Variants in NETO2 observed in about 807,000 individuals in gnomAD.
NETO2 encodes neuropilin and tolloid-like protein 2.
A neutral mutation model predicts 62.5 loss-of-function variants in NETO2; 28 were observed. The observed-to-expected ratio is 0.45, with a 90% CI of 0.33 to 0.61. The LOEUF is 0.61. Ranked by LOEUF, NETO2 falls within the 20% of genes least tolerant of loss-of-function variation. The pLI, the probability that NETO2 is intolerant of heterozygous loss-of-function variation, is 0.02. For missense variants in NETO2, 548 were observed against 643.2 expected (o/e 0.85, Z 1.60); for synonymous variants, 214 against 219.1 (o/e 0.98, Z 0.21).
intron 7 of NETO2, among the ~76,000 whole-genome samples, chr16:47,105,767 T>C (rs1963661353): frequency 6.6e-6 from 1 of 152,060 alleles, no homozygotes; most frequent in Non-Finnish European, 1.5e-5. Flanking sequence ...AAAACCACAA[T>C]GAGATGTTAC....
intron 6 of NETO2, among the ~76,000 whole-genome samples, chr16:47,114,378 T>C (rs1963864071): frequency 6.7e-6 from 1 of 150,352 alleles, no homozygotes; most frequent in Non-Finnish European, 1.5e-5. Context: ...TTTTTTTTTT[T>C]TCTCACTCAA....
intron 1 of NETO2, among the ~76,000 whole-genome samples, chr16:47,138,351 G>T (rs1477833938): frequency 6.6e-6 from 1 of 152,184 alleles, no homozygotes; most frequent in African/African-American, 2.4e-5. Flanking sequence ...GGTGCGCCAA[G>T]ATCGTGCCAC....
chr16:47,143,541 C>G (rs1444509930), intron 1 of NETO2, 38 bp downstream of exon 1: 2 of 1,221,146 alleles, frequency 1.6e-6, no homozygotes, highest in African/African-American at 3.1e-5. Flanking sequence ...CCTCGGCCCG[C>G]AGGGGGCGCC....
intron 4 of NETO2, among the ~76,000 whole-genome samples, chr16:47,124,061 T>C (rs779488331): frequency 4.0e-4 from 61 of 152,238 alleles, no homozygotes; most frequent in Non-Finnish European, 8.2e-4. Context: ...CTGTTAAAAC[T>C]GTTGTTTTTA....
In NETO2 at chr16:47,133,556, C is replaced by G. The variant is rs1964309508; in HGVS notation, c.35-1531G>C. ...CCTGGGCGAAAGAGTGAGACCATGC[C>G]TCAATAACATAAAGTAACATAAAAT... On this transcript the variant is annotated intron_variant, in intron 1 of 8. Transcript: ENST00000562435. 6.6e-5 allele frequency among the ~76,000 whole-genome samples: 10 copies of G among 150,550 alleles called. No individual in the cohort carries two copies. In the South Asian group the frequency reaches 1.9e-3, roughly 29 times the overall value.
intron 7 of NETO2, among the ~76,000 whole-genome samples, chr16:47,098,822 C>T (rs911140159): frequency 2.6e-5 from 4 of 152,136 alleles, no homozygotes; most frequent in Admixed American, 6.5e-5. Context: ...AGACTAACAG[C>T]GATCTCTCTG....
intron 7 of NETO2, among the ~76,000 whole-genome samples, chr16:47,101,521 T>C (rs1199990717): frequency 6.6e-6 from 1 of 152,222 alleles, no homozygotes; most frequent in African/African-American, 2.4e-5. Flanking sequence ...GACATGATTG[T>C]ATATTTAGAA....
At chr16:47,132,530 G>A (rs1405211481) in intron 1 of NETO2, among the ~76,000 whole-genome samples, 1 of 152,142 alleles carries the variant, frequency 6.6e-6, no homozygotes, top group Non-Finnish European at 1.5e-5. Context: ...TTATCATTGT[G>A]CAGTACTATG....
At chr16:47,131,388 T>C (rs766214397) in intron 2 of NETO2, among the ~76,000 whole-genome samples, 1 of 152,232 alleles carries the variant, frequency 6.6e-6, no homozygotes, top group Non-Finnish European at 1.5e-5. Flanking sequence ...ATTATTTCCA[T>C]GGAGCAGGAA....
At chr16:47,127,645 T>C (rs1332428082) in intron 4 of NETO2, among the ~76,000 whole-genome samples, 1 of 152,040 alleles carries the variant, frequency 6.6e-6, no homozygotes, top group East Asian at 1.9e-4. Context: ...CTAGAGGGAG[T>C]GAGGCCCTGC....
chr16:47,105,514 C>G (rs1333308241), intron 7 of NETO2, among the ~76,000 whole-genome samples: 1 of 152,092 alleles, frequency 6.6e-6, no homozygotes, highest in East Asian at 1.9e-4. Context: ...AAATTCAAAA[C>G]TTTTGTACCC....
chr16:47,093,963 T>C (rs1414522043), intron 7 of NETO2, among the ~76,000 whole-genome samples: 3 of 152,208 alleles, frequency 2.0e-5, no homozygotes, highest in African/African-American at 7.2e-5. Context: ...ATAGATAAGA[T>C]ATACCACTTA....
At chr16:47,111,736 G>A (rs754649292) in intron 6 of NETO2, among the ~76,000 whole-genome samples, 27 of 152,188 alleles carry the variant, frequency 1.8e-4, no homozygotes, top group Non-Finnish European at 3.2e-4. Context: ...AACTTTCCCT[G>A]GAGTGGAATG....
intron 7 of NETO2, among the ~76,000 whole-genome samples, chr16:47,105,195 G>A (rs1963647533): frequency 6.6e-6 from 1 of 152,032 alleles, no homozygotes; most frequent in Non-Finnish European, 1.5e-5. Flanking sequence ...ACTGTGCCCA[G>A]ATCTAATTGA....
chr16:47,107,344 G>T (rs1389657410), intron 7 of NETO2, among the ~76,000 whole-genome samples: 1 of 152,136 alleles, frequency 6.6e-6, no homozygotes, highest in Non-Finnish European at 1.5e-5. Flanking sequence ...CATGATGTTG[G>T]GGGGGTGCAC....
At chr16:47,140,719 C>A (rs116420193) in intron 1 of NETO2, among the ~76,000 whole-genome samples, 1,877 of 152,214 alleles carry the variant, frequency 0.012, 34 homozygotes, top group South Asian at 0.054. Context: ...TTTTTCAGTA[C>A]CACACTTATT....
At chr16:47,098,469 A>C (rs1963473745) in intron 7 of NETO2, among the ~76,000 whole-genome samples, 1 of 152,142 alleles carries the variant, frequency 6.6e-6, no homozygotes, top group Non-Finnish European at 1.5e-5. Context: ...GGGAAGACAA[A>C]ATTAGAGAAA....
intron 7 of NETO2, among the ~76,000 whole-genome samples, chr16:47,103,179 C>A (rs1271946280): frequency 6.6e-6 from 1 of 152,086 alleles, no homozygotes; most frequent in African/African-American, 2.4e-5. Context: ...TCTCAGCAAA[C>A]TAACATAGGA....
chr16:47,101,086 C>T (rs985699863), intron 7 of NETO2, among the ~76,000 whole-genome samples: 1 of 152,160 alleles, frequency 6.6e-6, no homozygotes, highest in African/African-American at 2.4e-5. Flanking sequence ...AGCAGCACAT[C>T]AAAAAGCATA....
Sources: allele counts gnomAD v4.1 joint callset (sites outside exome capture counted in the v4.1 genomes callset), GRCh38; gene constraint gnomAD v4.1.1; transcripts MANE v1.5; gene names NCBI Gene and HGNC (gene_info 2026-07-23, HGNC 2026-07-21).